Variants in PYHIN1 observed in about 807,000 individuals in gnomAD.
PYHIN1 encodes the protein pyrin and HIN domain-containing protein 1.
PYHIN1 carries 32 observed loss-of-function variants against 43.7 expected under a neutral mutation model. The ratio of observed to expected loss-of-function variants is 0.73; its 90% CI spans 0.55 to 0.98. The LOEUF (loss-of-function observed/expected upper bound fraction) is 0.98, where lower values mean the gene tolerates loss of function less well. Among genes scored for constraint, PYHIN1 ranks in the 50% least tolerant of loss-of-function variants. PYHIN1 has a pLI of 0.00. For missense variants in PYHIN1, 588 were observed against 589.5 expected (o/e 1.00, Z 0.03); for synonymous variants, 205 against 203.1 (o/e 1.01, Z -0.08).
intron 5 of PYHIN1, among the ~76,000 whole-genome samples, chr1:158,942,682 C>T (rs1347168236): frequency 1.3e-5 from 2 of 152,228 alleles, no homozygotes; most frequent in South Asian, 2.1e-4. Context: ...TGAGTCATAA[C>T]GATCAAAGAT....
intron 7 of PYHIN1, among the ~76,000 whole-genome samples, chr1:158,953,496 C>T (rs1391495564): frequency 4.0e-5 from 6 of 150,510 alleles, no homozygotes; most frequent in Non-Finnish European, 8.9e-5. Flanking sequence ...GGCACACTGA[C>T]ACCTCACACG....
chr1:158,934,414 A>G (rs1316674038), intron 1 of PYHIN1, among the ~76,000 whole-genome samples: 3 of 152,204 alleles, frequency 2.0e-5, no homozygotes, highest in Non-Finnish European at 2.9e-5. Flanking sequence ...AGCATTATAT[A>G]AAAATGATTC....
intron 7 of PYHIN1, among the ~76,000 whole-genome samples, chr1:158,968,057 C>G (rs80178718): frequency 0.01 from 1,588 of 151,848 alleles, 36 homozygotes; most frequent in African/African-American, 0.037. Flanking sequence ...TTTGAAGATG[C>G]CATAAACAAT....
At chr1:158,980,370 G>A (rs141001256), downstream of PYHIN1, among the ~76,000 whole-genome samples, 259 of 152,204 alleles carry the variant, frequency 1.7e-3, no homozygotes, top group African/African-American at 5.7e-3. Flanking sequence ...GAAGACAACC[G>A]TAAGCTCTGA....
At chr1:158,970,489 G>A (rs529256176) in intron 7 of PYHIN1, among the ~76,000 whole-genome samples, 7 of 151,896 alleles carry the variant, frequency 4.6e-5, no homozygotes, top group South Asian at 4.2e-4. Context: ...TCCCCTCTAC[G>A]TCCAATATCA....
the PYHIN1 span, among the ~76,000 whole-genome samples, chr1:158,985,769 C>T: frequency 6.6e-6 from 1 of 152,160 alleles, no homozygotes; most frequent in East Asian, 1.9e-4. Flanking sequence ...TGGTCTCTCT[C>T]CCTCTCTTTC....
chr1:158,937,211 G>T (rs1018636727), intron 2 of PYHIN1, 36 bp downstream of exon 2: 3 of 1,530,198 alleles, frequency 2.0e-6, no homozygotes, highest in Admixed American at 4.3e-5. Flanking sequence ...TCCCTGCAAT[G>T]ATCCCCACCC....
intron 7 of PYHIN1, among the ~76,000 whole-genome samples, chr1:158,971,921 CT>C (rs1650953300): frequency 6.6e-6 from 1 of 151,634 alleles, no homozygotes; most frequent in African/African-American, 2.4e-5. Context: ...TAAAGTTATG[CT>C]GCTAGCCAGA....
Position 158,938,433 on chromosome 1 carries a change from T to C in PYHIN1, c.302T>C (p.Ile101Thr), listed in dbSNP as rs1406507345. ...ATTGAATCCATTCCAGTCAAAGGAA[T>C]AATCCCATCTAAAAAGACGAAACAG... ...NKIESIPVKGIIPSKKTKQKE... is the reference protein window; with the variant it reads ...NKIESIPVKGTIPSKKTKQKE... Residue 101 changes from isoleucine (I) to threonine (T), a missense_variant, in exon 3 of 9, where the codon ATA (isoleucine) becomes ACA (threonine). Transcript: ENST00000368140. 1.9e-6 allele frequency: 3 copies of C among 1,614,152 alleles called. No individual in the cohort carries two copies. The highest frequency in any genetic ancestry group is 1.3e-5 in the African/African-American group (1 of 75,040).
chr1:158,948,306 G>A (rs1321708715), intron 7 of PYHIN1, among the ~76,000 whole-genome samples: 1 of 151,950 alleles, frequency 6.6e-6, no homozygotes, highest in Non-Finnish European at 1.5e-5. Flanking sequence ...TTGGGTGTGT[G>A]GATCTATAGT....
At chr1:158,964,404 C>A (rs1650498691) in intron 7 of PYHIN1, among the ~76,000 whole-genome samples, 1 of 151,976 alleles carries the variant, frequency 6.6e-6, no homozygotes, top group Non-Finnish European at 1.5e-5. Context: ...ACAAAAAGAC[C>A]ATCCCCAAGA....
intron 1 of PYHIN1, among the ~76,000 whole-genome samples, chr1:158,936,189 A>T (rs956882958): frequency 7.0e-6 from 1 of 142,716 alleles, no homozygotes; most frequent in East Asian, 2.2e-4. Context: ...TAGGTATATC[A>T]CCTAATGCTA....
intron 7 of PYHIN1, among the ~76,000 whole-genome samples, chr1:158,949,306 G>A (rs1649393062): frequency 6.6e-6 from 1 of 152,190 alleles, no homozygotes. Context: ...CCTAGTTGGA[G>A]GCTATAGGCT....
Position 158,935,661 on chromosome 1 carries a change from G to A in PYHIN1, c.-20-1230G>A, listed in dbSNP as rs181415705. Among the ~76,000 whole-genome samples, 296 of 152,242 alleles carry A rather than the reference G, an allele frequency of 1.9e-3. 2 individuals are homozygous for A. The highest frequency in any genetic ancestry group is 2.9e-3 in the Non-Finnish European group (199 of 68,000). On this transcript the variant is annotated intron_variant, in intron 1 of 8. Transcript: ENST00000368140. Reference sequence around the variant, plus strand: ...GAGAAGAGTTAAGGAGAATAGGGTCGGCGCCCCAGCATGAAACTGTAGTGC... The same window carrying A: ...GAGAAGAGTTAAGGAGAATAGGGTCAGCGCCCCAGCATGAAACTGTAGTGC...
intron 2 of PYHIN1, 36 bp from the exon 3 acceptor site, chr1:158,938,361 C>T: frequency 6.2e-7 from 1 of 1,611,116 alleles, no homozygotes; most frequent in African/African-American, 1.3e-5. Flanking sequence ...CGATCATCTG[C>T]TCTGGGTTTA....
chr1:158,987,469 A>G, the PYHIN1 span, among the ~76,000 whole-genome samples: 1 of 152,174 alleles, frequency 6.6e-6, no homozygotes, highest in Non-Finnish European at 1.5e-5. Flanking sequence ...TGATTTGCAA[A>G]TATTTACTTT....
At chr1:158,946,368 G>A (rs1649219273) in intron 7 of PYHIN1, among the ~76,000 whole-genome samples, 2 of 152,140 alleles carry the variant, frequency 1.3e-5, no homozygotes, top group South Asian at 2.1e-4. Flanking sequence ...GGAGACCTAT[G>A]TCCTTGCTTT....
intron 1 of PYHIN1, 102 bp from the exon 2 acceptor site, chr1:158,936,789 T>G: frequency 1.4e-6 from 1 of 696,372 alleles, no homozygotes. Flanking sequence ...ACTGGCACAA[T>G]GAACAACTCT....
At chr1:158,944,752 G>C in intron 6 of PYHIN1, 123 bp from the exon 7 acceptor site, 2 of 688,376 alleles carry the variant, frequency 2.9e-6, no homozygotes, top group Non-Finnish European at 4.3e-6. Context: ...ATTAGATAGA[G>C]GCAATCTTTG....
Sources: gnomAD v4.1 joint callset for allele counts (sites outside exome capture counted in the v4.1 genomes callset) on GRCh38, gnomAD v4.1.1 for gene constraint, MANE v1.5 for transcripts, NCBI Gene and HGNC (gene_info 2026-07-23, HGNC 2026-07-21) for gene names.